The following FAM124A variants were observed in gnomAD, a reference collection of about 807,000 sequenced individuals.
FAM124A encodes protein FAM124A.
A neutral mutation model predicts 24.5 loss-of-function variants in FAM124A; 23 were observed. That is an observed-to-expected ratio of 0.94 (90% CI 0.68 to 1.33). The LOEUF is 1.33. Among genes scored for constraint, FAM124A ranks in the 40% most tolerant of loss-of-function variants. The pLI is 0.00. For synonymous variants in FAM124A, 287 were observed against 314.7 expected, an observed-to-expected ratio of 0.91 and a Z score of 0.93; for missense variants, 623 against 722.8, an observed-to-expected ratio of 0.86 and a Z score of 1.58.
rs900989593 is a variant in FAM124A at position 51,282,152 on chromosome 13, A to T, written c.*896A>T. ...AACTTTCAAAAACCACAGTCTAAGG[A>T]CTATATTCAAATGACAAGAGCCGCA... On this transcript the variant is annotated 3_prime_UTR_variant, in exon 4 of 4. Coordinates refer to ENST00000322475, the MANE Select transcript of FAM124A (RefSeq NM_001242312.2). The T allele has an allele frequency of 1.3e-5, 2 of 152,220 alleles. No individual in the cohort carries two copies. The highest frequency in any genetic ancestry group is 4.8e-5 in the African/African-American group (2 of 41,450). 9.4% of individuals were successfully genotyped at this position (152,220 alleles called of 1,614,324 possible).
chr13:51,267,714 G>A (rs760658133), intron 3 of FAM124A, among the ~76,000 whole-genome samples: 2 of 152,002 alleles, frequency 1.3e-5, no homozygotes, highest in Non-Finnish European at 2.9e-5. Flanking sequence ...CCACCTAAGC[G>A]ATGCTCTGAG....
At chr13:51,259,904 G>T (rs1329806934) in intron 3 of FAM124A, among the ~76,000 whole-genome samples, 3 of 152,220 alleles carry the variant, frequency 2.0e-5, no homozygotes, top group African/African-American at 7.2e-5. Flanking sequence ...AGGGAAGGTG[G>T]TGAAGATGGC....
chr13:51,244,653 G>T (rs1377109203), intron 2 of FAM124A, among the ~76,000 whole-genome samples: 1 of 152,162 alleles, frequency 6.6e-6, no homozygotes, highest in Admixed American at 6.5e-5. Context: ...TGGGAGGAGG[G>T]CTAGTCTGGC....
At position 51,274,852 on chromosome 13, in the gene FAM124A, C is replaced by T. The variant is rs76461061; in HGVS notation, c.835-5598C>T. Among the ~76,000 whole-genome samples, 81 of 152,256 alleles carry T rather than the reference C, an allele frequency of 5.3e-4. 1 individual carries two copies. In the East Asian group the frequency reaches 0.015, roughly 29 times the overall value. ...AGCAACCCAATTTCTAAAAGCCTCA[C>T]AGAACTAAGTGAAGATTTAACAATT... On this transcript the variant is annotated intron_variant, in intron 3 of 3. Transcript: ENST00000322475.
chr13:51,280,733 TG>T lies in FAM124A; in HGVS notation c.1120del (p.Ala374ProfsTer33). On this transcript the variant is annotated frameshift_variant, in exon 4 of 4. Transcript: ENST00000322475. LOFTEE classifies it low-confidence loss of function (END_TRUNC). ...TGTTTGCCCACGGGAGGCCCCTCCC[TG>T]GCCTCCTCAGCTGAACCACAGTGGT... ...LFCLPTGGPS[L>X]ASSAEPQWFS... 6 of 1,614,184 alleles carry T rather than the reference TG, an allele frequency of 3.7e-6. No individual in the cohort carries two copies. The highest frequency in any genetic ancestry group is 5.1e-6 in the Non-Finnish European group (6 of 1,180,036).
chr13:51,277,679 A>G (rs1294155690), intron 3 of FAM124A, among the ~76,000 whole-genome samples: 1 of 152,190 alleles, frequency 6.6e-6, no homozygotes, highest in Non-Finnish European at 1.5e-5. Flanking sequence ...CTGTGGTCCC[A>G]GCTACTCAGG....
At chr13:51,261,852 G>A (rs1954742066) in intron 3 of FAM124A, among the ~76,000 whole-genome samples, 1 of 152,210 alleles carries the variant, frequency 6.6e-6, no homozygotes, top group South Asian at 2.1e-4. Context: ...CACCAAAAAT[G>A]GCCAGTCCAG....
intron 1 of FAM124A, among the ~76,000 whole-genome samples, chr13:51,227,730 G>T (rs1351618313): frequency 6.6e-6 from 1 of 152,164 alleles, no homozygotes; most frequent in Non-Finnish European, 1.5e-5. Context: ...TATGTGATGG[G>T]TTATTTTCAT....
rs554702262 is a variant in FAM124A at position 51,227,478 on chromosome 13, T to C, written c.69-3870T>C. 4 of 152,366 alleles carry C rather than the reference T, an allele frequency of 2.6e-5. No homozygotes were observed. The South Asian group carries it at 6.2e-4, about 24-fold the overall frequency. The allele number at this position is 152,366 out of a possible 1,614,324, so 9.4% of individuals were successfully genotyped here. ...GCAAACTAGTATTCTTCTGTAGCAA[T>C]TGATATCATTTTGAAACTCCCATTT... On this transcript the variant is annotated intron_variant, in intron 1 of 3. Transcript: ENST00000322475.
chr13:51,231,966 T>C (rs1414714239), intron 2 of FAM124A, among the ~76,000 whole-genome samples: 1 of 152,220 alleles, frequency 6.6e-6, no homozygotes, highest in African/African-American at 2.4e-5. Flanking sequence ...GTATGCACAT[T>C]GATATACATA....
At chr13:51,239,144 C>T (rs1327146695) in intron 2 of FAM124A, among the ~76,000 whole-genome samples, 1 of 152,164 alleles carries the variant, frequency 6.6e-6, no homozygotes, top group African/African-American at 2.4e-5. Flanking sequence ...AGACAGGAAA[C>T]GAAAGTGAAT....
intron 3 of FAM124A, among the ~76,000 whole-genome samples, chr13:51,261,246 C>T (rs578082804): frequency 1.5e-4 from 23 of 152,198 alleles, no homozygotes; most frequent in Middle Eastern, 3.4e-3. Flanking sequence ...AAGACACCTG[C>T]GAACAGCAGG....
At chr13:51,222,678 G>T (rs2137635404) in intron 1 of FAM124A, 109 bp downstream of exon 1, 1 of 1,071,268 alleles carries the variant, frequency 9.3e-7, no homozygotes, top group Non-Finnish European at 1.2e-6. Flanking sequence ...CGGGGCGCGG[G>T]GCTTCTCCTC....
At position 51,281,369 on chromosome 13, in the gene FAM124A, C is replaced by G; in HGVS notation, c.*113C>G. Reference sequence around the variant, plus strand: ...TTCTTCATGATCCATTTCCCAGGAGCCCGTAGCACATTTGCCTACCACCCA... The same window carrying G: ...TTCTTCATGATCCATTTCCCAGGAGGCCGTAGCACATTTGCCTACCACCCA... On this transcript the variant is annotated 3_prime_UTR_variant, in exon 4 of 4. Coordinates refer to ENST00000322475, the MANE Select transcript of FAM124A (RefSeq NM_001242312.2). 1 of 1,116,398 alleles carries G rather than the reference C, an allele frequency of 9.0e-7. No homozygotes were observed. The highest frequency in any genetic ancestry group is 1.2e-6 in the Non-Finnish European group (1 of 816,610). 69.2% of individuals were successfully genotyped at this position (1,116,398 alleles called of 1,614,324 possible). A position where few individuals can be genotyped will look rare whatever the true frequency, so the allele number is the denominator to read the frequency against.
chr13:51,241,351 C>T (rs1446895967), intron 2 of FAM124A, among the ~76,000 whole-genome samples: 1 of 152,198 alleles, frequency 6.6e-6, no homozygotes, highest in Non-Finnish European at 1.5e-5. Context: ...ACATTTGTCA[C>T]GTGTGAAGGT....
intron 3 of FAM124A, among the ~76,000 whole-genome samples, chr13:51,255,288 CA>C (rs1314172532): frequency 6.6e-6 from 1 of 152,168 alleles, no homozygotes; most frequent in Non-Finnish European, 1.5e-5. Flanking sequence ...AAATGCATGT[CA>C]ACTTTCTAGA....
At chr13:51,232,275 T>C (rs1566160901) in intron 2 of FAM124A, among the ~76,000 whole-genome samples, 1 of 151,298 alleles carries the variant, frequency 6.6e-6, no homozygotes, top group Non-Finnish European at 1.5e-5. Flanking sequence ...ACTACATAAA[T>C]GACCAAAGCC....
At chr13:51,245,364 C>A (rs767880920) in intron 2 of FAM124A, 1 of 697,482 alleles carries the variant, frequency 1.4e-6, no homozygotes, top group African/African-American at 1.8e-5. Context: ...ACTGTACACA[C>A]GGTGACAAAG....
chr13:51,274,301 T>G (rs1029605383), intron 3 of FAM124A, among the ~76,000 whole-genome samples: 4 of 152,196 alleles, frequency 2.6e-5, no homozygotes, highest in African/African-American at 9.6e-5. Flanking sequence ...GTGATTAAGA[T>G]TTCAGATTTT....
Sources: gnomAD v4.1 joint callset for allele counts (sites outside exome capture counted in the v4.1 genomes callset) on GRCh38, gnomAD v4.1.1 for gene constraint, MANE v1.5 for transcripts, NCBI Gene and HGNC (gene_info 2026-07-23, HGNC 2026-07-21) for gene names.